The following KLRG1 variants were observed in gnomAD, a reference collection of about 807,000 sequenced individuals.
KLRG1 encodes the protein killer cell lectin-like receptor subfamily G member 1.
KLRG1 carries 16 observed loss-of-function variants against 21.8 expected under a neutral mutation model. The ratio of observed to expected loss-of-function variants is 0.73; its 90% CI spans 0.50 to 1.11. KLRG1 has a LOEUF of 1.11. Among genes scored for constraint, KLRG1 ranks in the 50% most tolerant of loss-of-function variants. The probability of loss-of-function intolerance (pLI) is 0.00; values close to 1 mark genes in which losing one functional copy is unlikely to be tolerated. For missense variants in KLRG1, 173 were observed against 218.3 expected (o/e 0.79, Z 1.31); for synonymous variants, 69 against 75.9 (o/e 0.91, Z 0.47).
At chr12:8,955,174 A>G (rs926007807) in intron 1 of KLRG1, among the ~76,000 whole-genome samples, 4 of 152,106 alleles carry the variant, frequency 2.6e-5, no homozygotes, top group African/African-American at 9.7e-5. Context: ...CGGCCTCCCA[A>G]AGTGCTGGGA....
At chr12:9,115,901 C>A in the KLRG1 span, 2 of 1,454,946 alleles carry the variant, frequency 1.4e-6, no homozygotes, top group South Asian at 2.3e-5. Context: ...ACCCTACTCC[C>A]TACAATCCAT....
At chr12:9,123,025 A>G in the KLRG1 span, among the ~76,000 whole-genome samples, 3 of 152,206 alleles carry the variant, frequency 2.0e-5, no homozygotes, top group Non-Finnish European at 4.4e-5. Flanking sequence ...GACTGCTAAC[A>G]TATTTTAACT....
chr12:9,201,151 G>A, the KLRG1 span: 3 of 1,495,210 alleles, frequency 2.0e-6, no homozygotes, highest in African/African-American at 4.2e-5. Flanking sequence ...AATTAGCATT[G>A]CCTCTGGAAA....
At chr12:9,074,613 C>A in the KLRG1 span, 1 of 1,613,780 alleles carries the variant, frequency 6.2e-7, no homozygotes, top group Non-Finnish European at 8.5e-7. Flanking sequence ...ATCCACTTCA[C>A]GATGTTGGTT....
chr12:9,113,709 C>T, the KLRG1 span, among the ~76,000 whole-genome samples: 1 of 152,184 alleles, frequency 6.6e-6, no homozygotes, highest in African/African-American at 2.4e-5. Context: ...AGAATTATTT[C>T]CCTTTTCCCT....
At chr12:9,182,709 G>A in the KLRG1 span, among the ~76,000 whole-genome samples, 1 of 152,134 alleles carries the variant, frequency 6.6e-6, no homozygotes, top group Non-Finnish European at 1.5e-5. Flanking sequence ...TTTAAAGCAG[G>A]GTGAAGGGCC....
At chr12:9,070,088 A>C in the KLRG1 span, among the ~76,000 whole-genome samples, 6 of 152,212 alleles carry the variant, frequency 3.9e-5, no homozygotes, top group African/African-American at 1.2e-4. Context: ...AGTTCAATTC[A>C]GTTTCTATTT....
At chr12:9,203,378 G>A in the KLRG1 span, among the ~76,000 whole-genome samples, 12 of 118,594 alleles carry the variant, frequency 1.0e-4, no homozygotes, top group African/African-American at 4.0e-4. Flanking sequence ...GTCTCGCTCT[G>A]TCGCCCAGGC....
chr12:9,107,150 G>A, the KLRG1 span, among the ~76,000 whole-genome samples: 1 of 152,096 alleles, frequency 6.6e-6, no homozygotes, highest in Non-Finnish European at 1.5e-5. Flanking sequence ...TATGGGGACT[G>A]TGTTTGTCAA....
At chr12:9,036,787 C>T in the KLRG1 span, 5 of 402,220 alleles carry the variant, frequency 1.2e-5, no homozygotes, top group Admixed American at 3.0e-5. Context: ...GCTGGACCTG[C>T]AATCTATGCT....
At chr12:9,028,278 A>G in the KLRG1 span, 3 of 470,038 alleles carry the variant, frequency 6.4e-6, no homozygotes, top group Non-Finnish European at 7.6e-6. Context: ...CAGCCTCCCA[A>G]GTAGCTGGGA....
chr12:9,068,288 A>G, the KLRG1 span: 11 of 1,534,628 alleles, frequency 7.2e-6, no homozygotes, highest in Non-Finnish European at 9.7e-6. Context: ...GAAAGCAAAC[A>G]TCTGTGGGAT....
At chr12:8,969,396 G>C (rs1436835776) in intron 1 of KLRG1, among the ~76,000 whole-genome samples, 1 of 152,178 alleles carries the variant, frequency 6.6e-6, no homozygotes, top group Non-Finnish European at 1.5e-5. Context: ...GCCGTTCTTG[G>C]GAGTTCTGGG....
chr12:9,129,210 A>C, the KLRG1 span, among the ~76,000 whole-genome samples: 4 of 115,066 alleles, frequency 3.5e-5, no homozygotes, highest in African/African-American at 1.4e-4. Context: ...TTAATTTCTT[A>C]ATTTGGTGCT....
At chr12:9,090,539 G>GT in the KLRG1 span, 48 of 1,576,504 alleles carry the variant, frequency 3.0e-5, no homozygotes, top group South Asian at 5.4e-4. Flanking sequence ...GGGAGAATGG[G>GT]TTTGAAGTAA....
At chr12:8,982,425 T>C (rs1265699374) in intron 1 of KLRG1, among the ~76,000 whole-genome samples, 3 of 152,218 alleles carry the variant, frequency 2.0e-5, no homozygotes, top group Admixed American at 6.5e-5. Context: ...GATTTTGGAC[T>C]TCTGACCTAC....
the KLRG1 span, among the ~76,000 whole-genome samples, chr12:9,145,900 C>T: frequency 7.9e-4 from 120 of 152,244 alleles, no homozygotes; most frequent in African/African-American, 2.6e-3. Context: ...GCTGAAAAAC[C>T]AGCTGATCAT....
chr12:9,019,480 G>A, the KLRG1 span, among the ~76,000 whole-genome samples: 2 of 152,180 alleles, frequency 1.3e-5, no homozygotes, highest in Non-Finnish European at 2.9e-5. Flanking sequence ...CATGTTTATT[G>A]CAGCACTATT....
At chr12:9,082,233 C>A in the KLRG1 span, among the ~76,000 whole-genome samples, 2 of 152,182 alleles carry the variant, frequency 1.3e-5, no homozygotes, top group Non-Finnish European at 2.9e-5. Context: ...TCTGCCCATC[C>A]CAAGCAACAA....
Sources: gnomAD v4.1 joint callset for allele counts (sites outside exome capture counted in the v4.1 genomes callset) on GRCh38, gnomAD v4.1.1 for gene constraint, MANE v1.5 for transcripts, NCBI Gene and HGNC (gene_info 2026-07-23, HGNC 2026-07-21) for gene names.